The following IRAK1BP1 variants were observed in gnomAD, a reference collection of about 807,000 sequenced individuals.
IRAK1BP1 encodes interleukin 1 receptor associated kinase 1 binding protein 1, also known as interleukin-1 receptor-associated kinase 1-binding protein 1.
IRAK1BP1 carries 24 observed loss-of-function variants against 28.0 expected under a neutral mutation model. That is an observed-to-expected ratio of 0.86 (90% CI 0.62 to 1.20). IRAK1BP1 has a LOEUF of 1.20. IRAK1BP1 is among the 50% of genes most tolerant of loss of function. The pLI, the probability that IRAK1BP1 is intolerant of heterozygous loss-of-function variation, is 0.00. For synonymous variants in IRAK1BP1, 131 were observed against 116.3 expected (o/e 1.13, Z -0.81); for missense variants, 336 against 316.7 (o/e 1.06, Z -0.46).
the IRAK1BP1 span, among the ~76,000 whole-genome samples, chr6:78,970,486 G>A: frequency 6.6e-6 from 1 of 152,086 alleles, no homozygotes; most frequent in African/African-American, 2.4e-5. Context: ...GACAAATCTA[G>A]AAATACGCAT....
At chr6:78,948,437 G>A (rs903032298), downstream of IRAK1BP1, among the ~76,000 whole-genome samples, 1 of 152,116 alleles carries the variant, frequency 6.6e-6, no homozygotes, top group East Asian at 1.9e-4. Flanking sequence ...TCATAATATG[G>A]TATATAATTC....
downstream of IRAK1BP1, among the ~76,000 whole-genome samples, chr6:78,903,934 C>G (rs111624940): frequency 0.014 from 2,166 of 152,236 alleles, 37 homozygotes; most frequent in Middle Eastern, 0.048. Context: ...TTTTTATCTT[C>G]CCCTTCACAA....
Position 78,900,830 on chromosome 6 carries a change from A to G in IRAK1BP1, c.*2496A>G, listed in dbSNP as rs1357738242. On this transcript the variant is annotated 3_prime_UTR_variant, in exon 4 of 4. Transcript: ENST00000369940. Reference sequence around the variant, plus strand: ...GAACAATTGCTAGCACATAACGGTCACTCTGAAAATAGTAGCTGATATATC... The same window carrying G: ...GAACAATTGCTAGCACATAACGGTCGCTCTGAAAATAGTAGCTGATATATC... The G allele has an allele frequency of 6.6e-6, 1 of 152,180 alleles. No homozygotes were observed. Among genetic ancestry groups the G allele is most frequent in the Non-Finnish European group, 1.5e-5 (1 of 68,008 alleles). 9.4% of individuals were successfully genotyped at this position (152,180 alleles called of 1,614,324 possible).
At chr6:78,894,390 GAT>G in intron 2 of IRAK1BP1, among the ~76,000 whole-genome samples, 1 of 152,270 alleles carries the variant, frequency 6.6e-6, no homozygotes, top group Middle Eastern at 3.4e-3. Flanking sequence ...GATGGAGAAA[GAT>G]ATGTCATGCT....
intron 2 of IRAK1BP1, among the ~76,000 whole-genome samples, chr6:78,886,059 G>A (rs567064456): frequency 6.6e-6 from 1 of 152,250 alleles, no homozygotes; most frequent in South Asian, 2.1e-4. Context: ...TTTGGAGTAC[G>A]TGCCTAGTAC....
At chr6:78,923,731 G>A (rs2127666987) in intron 4 of IRAK1BP1, among the ~76,000 whole-genome samples, 1 of 152,294 alleles carries the variant, frequency 6.6e-6, no homozygotes. Flanking sequence ...TCAGACCACA[G>A]TGCAATCAAA....
At chr6:78,931,673 ATATTT>A (rs1051734356) in intron 4 of IRAK1BP1, among the ~76,000 whole-genome samples, 109 of 152,316 alleles carry the variant, frequency 7.2e-4, no homozygotes, top group African/African-American at 2.5e-3. Context: ...AACAATGTAC[ATATTT>A]TAGTTTAAAA....
downstream of IRAK1BP1, among the ~76,000 whole-genome samples, chr6:78,907,429 A>G (rs1772288696): frequency 6.6e-6 from 1 of 152,200 alleles, no homozygotes; most frequent in African/African-American, 2.4e-5. Context: ...TTGTGTGTCC[A>G]GATAAAAGCC....
the IRAK1BP1 span, chr6:78,958,657 A>G: frequency 1.1e-5 from 12 of 1,047,610 alleles, no homozygotes; most frequent in African/African-American, 1.4e-4. Flanking sequence ...ATATGTGTAC[A>G]TCATTTAAAA....
At chr6:78,875,796 C>A (rs1349931906) in intron 1 of IRAK1BP1, among the ~76,000 whole-genome samples, 1 of 152,056 alleles carries the variant, frequency 6.6e-6, no homozygotes, top group Non-Finnish European at 1.5e-5. Flanking sequence ...ATCAGTTGTA[C>A]CCCACACCTC....
chr6:78,946,770 TATGGTATTTCTTTTATG>T (rs1184298128), downstream of IRAK1BP1: 1 of 1,592,684 alleles, frequency 6.3e-7, no homozygotes, highest in Non-Finnish European at 8.5e-7. Context: ...TCCTTTTGGT[TATGGTATTTCTTTTATG>T]AAAACGAAGA....
intron 2 of IRAK1BP1, among the ~76,000 whole-genome samples, chr6:78,895,208 C>T (rs1771836357): frequency 6.6e-6 from 1 of 151,916 alleles, no homozygotes; most frequent in African/African-American, 2.4e-5. Flanking sequence ...GGAAAATCCC[C>T]CAAATATGCT....
chr6:78,923,215 A>G (rs1195510933), intron 4 of IRAK1BP1, among the ~76,000 whole-genome samples: 1 of 152,078 alleles, frequency 6.6e-6, no homozygotes, highest in Non-Finnish European at 1.5e-5. Flanking sequence ...CTCAAAATAA[A>G]CAGAAGGAGG....
At chr6:78,946,441 A>G, downstream of IRAK1BP1, 1 of 1,406,414 alleles carries the variant, frequency 7.1e-7, no homozygotes, top group Non-Finnish European at 9.2e-7. Context: ...GGATCGCTGT[A>G]AATGCTAAAG....
intron 4 of IRAK1BP1, chr6:78,941,071 A>G: frequency 6.2e-7 from 1 of 1,614,066 alleles, no homozygotes; most frequent in East Asian, 2.2e-5. Context: ...TATTAGTTTC[A>G]GAAAGAAAAT....
intron 1 of IRAK1BP1, among the ~76,000 whole-genome samples, chr6:78,876,731 C>T (rs1185030551): frequency 6.6e-6 from 1 of 152,154 alleles, no homozygotes; most frequent in African/African-American, 2.4e-5. Context: ...TCTGAGGAAC[C>T]TCCTCAGTTT....
At chr6:78,941,122 C>A in intron 4 of IRAK1BP1, 1 of 1,613,876 alleles carries the variant, frequency 6.2e-7, no homozygotes, top group South Asian at 1.1e-5. Context: ...TGATGGGATG[C>A]ACATTATTTT....
intron 2 of IRAK1BP1, among the ~76,000 whole-genome samples, chr6:78,896,257 C>T (rs897276873): frequency 7.3e-6 from 1 of 137,614 alleles, no homozygotes; most frequent in African/African-American, 2.7e-5. Flanking sequence ...TTTGGAAATA[C>T]AAAGGATCTA....
chr6:78,923,015 C>G (rs1277648865), intron 4 of IRAK1BP1, among the ~76,000 whole-genome samples: 2 of 152,144 alleles, frequency 1.3e-5, no homozygotes, highest in African/African-American at 2.4e-5. Flanking sequence ...AATGCATCAA[C>G]TAACGAGCAA....
Sources: gnomAD v4.1 joint callset for allele counts (sites outside exome capture counted in the v4.1 genomes callset) on GRCh38, gnomAD v4.1.1 for gene constraint, MANE v1.5 for transcripts, NCBI Gene and HGNC (gene_info 2026-07-23, HGNC 2026-07-21) for gene names.